TRIB3: variants seen among roughly 807,000 people sequenced by gnomAD.
TRIB3 encodes tribbles homolog 3.
A neutral mutation model predicts 16.6 loss-of-function variants in TRIB3; 20 were observed. The observed-to-expected ratio is 1.20, with a 90% confidence interval of 0.85 to 1.75. The LOEUF (loss-of-function observed/expected upper bound fraction) is 1.75, where lower values mean the gene tolerates loss of function less well. Ranked by LOEUF, TRIB3 falls within the 40% of genes most tolerant of loss-of-function variation. The pLI is 0.00. For missense variants in TRIB3, 484 were observed against 488.9 expected, an observed-to-expected ratio of 0.99 and a Z score of 0.10; for synonymous variants, 208 against 217.0, an observed-to-expected ratio of 0.96 and a Z score of 0.36.
chr20:383,722 G>C (rs1025272654), intron 1 of TRIB3, among the ~76,000 whole-genome samples: 1 of 152,120 alleles, frequency 6.6e-6, no homozygotes. Context: ...TTACAGGCAT[G>C]AAGCACTGCA....
chr20:389,849 T>C (rs945964800), intron 2 of TRIB3, among the ~76,000 whole-genome samples: 1 of 152,194 alleles, frequency 6.6e-6, no homozygotes, highest in Non-Finnish European at 1.5e-5. Flanking sequence ...GCTTTTCTGG[T>C]CAGTGTGTAG....
chr20:390,462 G>C (rs564394160), intron 2 of TRIB3, among the ~76,000 whole-genome samples: 2 of 152,314 alleles, frequency 1.3e-5, no homozygotes, highest in African/African-American at 2.4e-5. Context: ...CCGGAGAGCA[G>C]AGCCCATGGC....
intron 3 of TRIB3, among the ~76,000 whole-genome samples, chr20:392,128 G>A (rs1480786560): frequency 6.6e-6 from 1 of 152,060 alleles, no homozygotes; most frequent in Admixed American, 6.6e-5. Context: ...CGAAAGCATC[G>A]CCACATTATC....
Position 388,047 on chromosome 20 carries a change from C to T in TRIB3, c.37C>T (p.Leu13=), listed in dbSNP as rs1184524926. The change falls in exon 2 of 4, where the codon CTG becomes TTG. Residue 13 remains leucine (L), a synonymous_variant. Transcript: ENST00000217233. ...CCCTCTGGCTGCTCCTGCGGGTTCC[C>T]TGTCCAGGAAGAAGCGGTTGGAGTT... The part of the protein sequence containing the change: ...ATPLAAPAGS[L]SRKKRLELDD... The T allele has an allele frequency of 1.9e-6, 3 of 1,613,952 alleles. No homozygotes were observed. The highest frequency in any genetic ancestry group is 1.1e-5 in the South Asian group (1 of 91,090).
intron 1 of TRIB3, among the ~76,000 whole-genome samples, chr20:384,586 T>G (rs1173604406): frequency 6.6e-6 from 1 of 152,168 alleles, no homozygotes; most frequent in East Asian, 1.9e-4. Context: ...ATGGTCTCGA[T>G]CTCCTGACCT....
At chr20:388,499 C>A (rs960608343) in intron 2 of TRIB3, among the ~76,000 whole-genome samples, 198 bp downstream of exon 2, 1 of 152,192 alleles carries the variant, frequency 6.6e-6, no homozygotes, top group Non-Finnish European at 1.5e-5. Flanking sequence ...GGGGAGTTCA[C>A]AGCTTAGGCC....
rs554288150 is a variant in TRIB3 at position 382,137 on chromosome 20, G to T, written c.-1+968G>T. The stretch of plus-strand genomic sequence containing the variant: ...TGTGTGTGTGTGTGTGCGTGCGCGC[G>T]CGCGCTTGCGCTTGATGTAACCCGC... On this transcript the variant is annotated intron_variant, in intron 1 of 3. Coordinates refer to ENST00000217233, the MANE Select transcript of TRIB3 (RefSeq NM_021158.5). 4.2e-3 allele frequency among the ~76,000 whole-genome samples: 642 copies of T among 152,068 alleles called. 4 individuals are homozygous for T. The highest frequency in any genetic ancestry group is 0.014 in the African/African-American group (566 of 41,422).
chr20:391,175 G>T, intron 2 of TRIB3, 112 bp from the exon 3 acceptor site: 1 of 1,206,030 alleles, frequency 8.3e-7, no homozygotes, highest in Non-Finnish European at 1.2e-6. Context: ...TGAAGCGCTT[G>T]GTGCGATGCC....
At position 388,198 on chromosome 20, in the gene TRIB3, C is replaced by A. The variant is rs1408116875; in HGVS notation, c.188C>A (p.Ala63Asp). The change falls in exon 2 of 4, where the codon GCC (alanine) becomes GAC (aspartate). Residue 63 changes from alanine (A) to aspartate (D), a missense_variant. By Grantham distance (126) the Ala-to-Asp change is moderately radical. Coordinates refer to ENST00000217233, the MANE Select transcript of TRIB3 (RefSeq NM_021158.5). ...GCTCCAGATCGTGCAACTGCTGTGG[C>A]CACTGCCTCCCGTCTTGGGCCCTAT... ...PTAPDRATAV[A>D]TASRLGPYVL... is the part of the protein sequence containing the mutation. 6.2e-7 allele frequency: 1 copy of A among 1,613,874 alleles called. No homozygotes were observed. The highest frequency in any genetic ancestry group is 8.5e-7 in the Non-Finnish European group (1 of 1,180,024).
chr20:394,204 T>A (rs1029946232), intron 3 of TRIB3, among the ~76,000 whole-genome samples: 2 of 152,108 alleles, frequency 1.3e-5, no homozygotes, highest in African/African-American at 4.8e-5. Flanking sequence ...CTAATTTTTG[T>A]ATTTTTAGTA....
At chr20:392,766 C>T (rs749996712) in intron 3 of TRIB3, among the ~76,000 whole-genome samples, 1 of 152,104 alleles carries the variant, frequency 6.6e-6, no homozygotes, top group Non-Finnish European at 1.5e-5. Context: ...CCATGTTGGC[C>T]AGGCTGGTCT....
chr20:396,056 G>A (rs1004251308), intron 3 of TRIB3, 142 bp from the exon 4 acceptor site: 1 of 1,262,222 alleles, frequency 7.9e-7, no homozygotes, highest in Non-Finnish European at 1.1e-6. Context: ...TGTAAAACAG[G>A]ATCAGACATC....
At chr20:382,579 AGG>A (rs1417332137) in intron 1 of TRIB3, 1 of 1,535,496 alleles carries the variant, frequency 6.5e-7, no homozygotes, top group Admixed American at 2.0e-5. Context: ...GAAGAATAAC[AGG>A]ATGAGTGCTA....
intron 3 of TRIB3, among the ~76,000 whole-genome samples, chr20:391,954 G>A (rs2014992479): frequency 6.6e-6 from 1 of 151,798 alleles, no homozygotes; most frequent in South Asian, 2.1e-4. Context: ...CCTGGGAGGC[G>A]GAAGTTGCAG....
intron 1 of TRIB3, among the ~76,000 whole-genome samples, chr20:384,508 C>CACAT (rs2014745383): frequency 6.6e-6 from 1 of 152,114 alleles, no homozygotes; most frequent in Non-Finnish European, 1.5e-5. Flanking sequence ...GGACTACAGG[C>CACAT]ATGCACCACC....
Position 396,445 on chromosome 20 carries a change from T to C in TRIB3, c.832T>C (p.Tyr278His), listed in dbSNP as rs1236478034. ...LLFGKIRRGAYALPAGLSAPA... is the reference protein window; with the variant it reads ...LLFGKIRRGAHALPAGLSAPA... ...CTTCGGCAAGATCCGCCGCGGGGCC[T>C]ACGCCTTGCCTGCAGGCCTCTCGGC... is the stretch of plus-strand genomic sequence containing the variant. Residue 278 changes from tyrosine to histidine, a missense_variant, in exon 4 of 4, where the codon TAC becomes CAC. Physicochemically the swap from Tyr to His is moderately conservative, Grantham distance 83 (BLOSUM62 2). Coordinates refer to ENST00000217233, the MANE Select transcript of TRIB3 (RefSeq NM_021158.5). The C allele has an allele frequency of 6.2e-7, 1 of 1,612,856 alleles. No individual in the cohort carries two copies. Among genetic ancestry groups the C allele is most frequent in the Non-Finnish European group, 8.5e-7 (1 of 1,179,988 alleles).
intron 1 of TRIB3, among the ~76,000 whole-genome samples, chr20:386,794 A>G (rs1384299954): frequency 6.6e-6 from 1 of 151,460 alleles, no homozygotes; most frequent in Non-Finnish European, 1.5e-5. Context: ...GCTGGTCTCA[A>G]ACTCCTGACC....
chr20:387,900 C>T (rs1292433324), intron 1 of TRIB3, 111 bp from the exon 2 acceptor site: 1 of 1,283,426 alleles, frequency 7.8e-7, no homozygotes, highest in Non-Finnish European at 1.1e-6. Context: ...TTTTAACACA[C>T]ACTGCCAGAT....
intron 3 of TRIB3, 49 bp downstream of exon 3, chr20:391,628 G>T (rs1036183143): frequency 1.3e-6 from 2 of 1,569,994 alleles, no homozygotes; most frequent in Admixed American, 3.5e-5. Context: ...CAGGGGGTGG[G>T]CCATGATGGA....
Sources: allele counts gnomAD v4.1 joint callset (sites outside exome capture counted in the v4.1 genomes callset), GRCh38; gene constraint gnomAD v4.1.1; transcripts MANE v1.5; gene names NCBI Gene and HGNC (gene_info 2026-07-23, HGNC 2026-07-21).